The following CSMD1 variants were observed in gnomAD, a reference collection of about 807,000 sequenced individuals.
CSMD1 encodes CUB and Sushi multiple domains 1.
Under a neutral mutation model 417.5 loss-of-function variants are expected in CSMD1, and 213 were observed. That is an observed-to-expected ratio of 0.51 (90% confidence interval 0.46 to 0.57). CSMD1 has a LOEUF of 0.57. Ranked by LOEUF, CSMD1 falls within the 20% of genes least tolerant of loss-of-function variation. CSMD1 has a pLI of 0.00. For synonymous variants in CSMD1, 2,862 were observed against 1,736.8 expected (o/e 1.65, Z -16.11); for missense variants, 6,923 against 4,529.7 (o/e 1.53, Z -15.17).
intron 1 of CSMD1, among the ~76,000 whole-genome samples, chr8:4,823,594 T>C (rs1467245039): frequency 6.6e-6 from 1 of 152,072 alleles, no homozygotes; most frequent in African/African-American, 2.4e-5. Context: ...AGATGGGCAT[T>C]TGCCCACTCA....
At chr8:3,737,062 T>A (rs572405285) in intron 6 of CSMD1, among the ~76,000 whole-genome samples, 1 of 152,242 alleles carries the variant, frequency 6.6e-6, no homozygotes, top group Non-Finnish European at 1.5e-5. Flanking sequence ...TTAAGCGGAT[T>A]TGAAAGTCAG....
chr8:4,210,953 T>C (rs1800270569), intron 3 of CSMD1, among the ~76,000 whole-genome samples: 1 of 152,148 alleles, frequency 6.6e-6, no homozygotes, highest in South Asian at 2.1e-4. Context: ...TGCTTTAAAC[T>C]TCTCTAAATG....
At chr8:4,128,284 C>A (rs756551139) in intron 3 of CSMD1, among the ~76,000 whole-genome samples, 1 of 152,240 alleles carries the variant, frequency 6.6e-6, no homozygotes, top group Non-Finnish European at 1.5e-5. Flanking sequence ...TAAGAATGAT[C>A]TGAGAAGACT....
chr8:4,481,813 A>G (rs1328873367), intron 2 of CSMD1, among the ~76,000 whole-genome samples: 2 of 152,144 alleles, frequency 1.3e-5, no homozygotes, highest in Non-Finnish European at 2.9e-5. Context: ...AACTTGTTTA[A>G]TTTTAATAAT....
chr8:4,388,301 G>GACAC (rs1193165017), intron 3 of CSMD1, among the ~76,000 whole-genome samples: 1 of 87,606 alleles, frequency 1.1e-5, no homozygotes, highest in Non-Finnish European at 2.3e-5. Context: ...AAGAAACTGT[G>GACAC]ATACACACAC....
chr8:4,332,590 CACACACACACACACACAG>C (rs1334062288), intron 3 of CSMD1, among the ~76,000 whole-genome samples: 18 of 94,010 alleles, frequency 1.9e-4, no homozygotes, highest in African/African-American at 7.5e-4. Context: ...CACACACACA[CACACACACACACACACAG>C]AGTCATATGC....
In CSMD1 at chr8:3,900,291, G is replaced by A. The variant is rs529286029; in HGVS notation, c.818+97612C>T. ...CACAGCTGCGTGACAGTGCAGCTGC[G>A]TGACACTGTAGCTGGGTGACAGTGC... is the stretch of plus-strand genomic sequence containing the variant. On this transcript the variant is annotated intron_variant, in intron 5 of 69. Transcript: ENST00000635120. 1.0e-3 allele frequency among the ~76,000 whole-genome samples: 152 copies of A among 150,230 alleles called. 1 individual carries two copies. Among genetic ancestry groups the A allele is most frequent in the African/African-American group, 2.5e-3 (101 of 39,812 alleles).
At chr8:4,851,338 C>A (rs561646690) in intron 1 of CSMD1, among the ~76,000 whole-genome samples, 1 of 152,172 alleles carries the variant, frequency 6.6e-6, no homozygotes, top group East Asian at 1.9e-4. Flanking sequence ...TTCTCGCCCC[C>A]TTTTTAAGCT....
chr8:3,656,800 C>G (rs1402409488), intron 7 of CSMD1, among the ~76,000 whole-genome samples: 1 of 152,096 alleles, frequency 6.6e-6, no homozygotes, highest in Non-Finnish European at 1.5e-5. Flanking sequence ...GTGGGCATCC[C>G]TGTAGTCCCA....
chr8:3,781,254 G>T (rs749880665), intron 5 of CSMD1, among the ~76,000 whole-genome samples: 1 of 152,148 alleles, frequency 6.6e-6, no homozygotes, highest in African/African-American at 2.4e-5. Flanking sequence ...ATCAGAATGT[G>T]CACTACCACA....
intron 1 of CSMD1, among the ~76,000 whole-genome samples, chr8:4,892,646 G>A (rs1466810143): frequency 6.6e-6 from 1 of 152,028 alleles, no homozygotes; most frequent in African/African-American, 2.4e-5. Flanking sequence ...TAACTTTTGA[G>A]TGTTTTCTTC....
intron 1 of CSMD1, among the ~76,000 whole-genome samples, chr8:4,843,471 T>C (rs1436144449): frequency 2.0e-5 from 3 of 151,696 alleles, no homozygotes; most frequent in Admixed American, 6.6e-5. Flanking sequence ...GAGAGAGAAA[T>C]TGTGTGTATA....
At position 4,307,522 on chromosome 8, in the gene CSMD1, C is replaced by G. The variant is rs572138077; in HGVS notation, c.415+112431G>C. Among the ~76,000 whole-genome samples the G allele has an allele frequency of 3.9e-5, 6 of 152,258 alleles. No individual in the cohort carries two copies. The South Asian group carries it at 1.2e-3, about 32-fold the overall frequency. On this transcript the variant is annotated intron_variant, in intron 3 of 69. Transcript: ENST00000635120. ...CACTACCCTGTTATGTCAACCATGC[C>G]TGGTCTGTTCAAGTAATAGCATATT... is the stretch of plus-strand genomic sequence containing the variant.
At chr8:4,486,314 C>G (rs931402392) in intron 2 of CSMD1, among the ~76,000 whole-genome samples, 6 of 148,200 alleles carry the variant, frequency 4.0e-5, no homozygotes, top group Non-Finnish European at 8.9e-5. Context: ...GCTTTTATCC[C>G]CCTAGCTACA....
intron 68 of CSMD1, among the ~76,000 whole-genome samples, chr8:2,944,039 G>C (rs1398779828): frequency 6.6e-6 from 1 of 152,098 alleles, no homozygotes; most frequent in Non-Finnish European, 1.5e-5. Context: ...ATAGATGTAG[G>C]ATTATGACTG....
intron 3 of CSMD1, among the ~76,000 whole-genome samples, chr8:4,404,520 A>G (rs1054350876): frequency 1.3e-5 from 2 of 152,198 alleles, no homozygotes; most frequent in Non-Finnish European, 2.9e-5. Flanking sequence ...GGGGCAAAAA[A>G]TAAGTTTCAT....
At chr8:3,852,724 G>A (rs937441413) in intron 5 of CSMD1, among the ~76,000 whole-genome samples, 4 of 151,998 alleles carry the variant, frequency 2.6e-5, no homozygotes, top group African/African-American at 7.3e-5. Flanking sequence ...GGGAGAGATG[G>A]AGGGTCAGGT....
chr8:3,937,736 G>C (rs867132534), intron 5 of CSMD1, among the ~76,000 whole-genome samples: 2 of 151,966 alleles, frequency 1.3e-5, no homozygotes, highest in Non-Finnish European at 2.9e-5. Flanking sequence ...AGTACACCAG[G>C]TACGATATTA....
chr8:4,893,912 G>A lies in CSMD1; in HGVS notation c.85+100420C>T, dbSNP rs111695043. 6.8e-3 allele frequency among the ~76,000 whole-genome samples: 1,038 copies of A among 152,142 alleles called. 18 individuals are homozygous for A. Among genetic ancestry groups the A allele is most frequent in the African/African-American group, 0.024 (1,001 of 41,446 alleles). On this transcript the variant is annotated intron_variant, in intron 1 of 69. Transcript: ENST00000635120. ...TATTTAACCAAGGGGGCGGGGCAAT[G>A]TCTTTTTCGCAAAATGTTGGTTTAA... is the stretch of plus-strand genomic sequence containing the variant.
Sources: gnomAD v4.1 joint callset for allele counts (sites outside exome capture counted in the v4.1 genomes callset) on GRCh38, gnomAD v4.1.1 for gene constraint, MANE v1.5 for transcripts, NCBI Gene and HGNC (gene_info 2026-07-23, HGNC 2026-07-21) for gene names.